CCSER1: variants seen among roughly 807,000 people sequenced by gnomAD.
The protein encoded by CCSER1 is serine-rich coiled-coil domain-containing protein 1.
A neutral mutation model predicts 82.0 loss-of-function variants in CCSER1; 41 were observed. The ratio of observed to expected loss-of-function variants is 0.50; its 90% CI spans 0.39 to 0.65. CCSER1 has a LOEUF of 0.65. CCSER1 is among the 30% of genes least tolerant of loss of function. The pLI, the probability that CCSER1 is intolerant of heterozygous loss-of-function variation, is 0.00. For synonymous variants in CCSER1, 414 were observed against 383.9 expected (o/e 1.08, Z -0.92); for missense variants, 1,119 against 1,064.2 (o/e 1.05, Z -0.72).
intron 10 of CCSER1, among the ~76,000 whole-genome samples, chr4:91,390,778 G>A (rs1751599028): frequency 6.6e-6 from 1 of 152,010 alleles, no homozygotes; most frequent in African/African-American, 2.4e-5. Flanking sequence ...GGCCTAGTCA[G>A]ATTGTTTATT....
At chr4:90,174,384 A>G (rs936229287) in intron 1 of CCSER1, among the ~76,000 whole-genome samples, 2 of 152,020 alleles carry the variant, frequency 1.3e-5, no homozygotes, top group Non-Finnish European at 2.9e-5. Context: ...CAAAATATAT[A>G]AAGCTCTAAT....
intron 6 of CCSER1, among the ~76,000 whole-genome samples, chr4:90,637,945 A>G (rs567511480): frequency 6.6e-6 from 1 of 152,284 alleles, no homozygotes; most frequent in South Asian, 2.1e-4. Flanking sequence ...TTCTGTGAAT[A>G]TAACTCTCTT....
intron 9 of CCSER1, among the ~76,000 whole-genome samples, chr4:90,982,348 A>C (rs115483193): frequency 7.9e-4 from 120 of 151,846 alleles, no homozygotes; most frequent in African/African-American, 2.7e-3. Context: ...ATTACTTCCC[A>C]AAGGCCCCAC....
At chr4:90,511,023 A>C (rs1000961534) in intron 5 of CCSER1, among the ~76,000 whole-genome samples, 2 of 152,244 alleles carry the variant, frequency 1.3e-5, no homozygotes, top group Non-Finnish European at 1.5e-5. Flanking sequence ...ACTGGAAGGG[A>C]GTTGCCAATG....
chr4:90,754,449 G>T (rs2149494212), intron 7 of CCSER1, among the ~76,000 whole-genome samples: 1 of 152,182 alleles, frequency 6.6e-6, no homozygotes, highest in Middle Eastern at 3.4e-3. Context: ...ATGATACTCA[G>T]TTATCTGGTC....
At chr4:90,867,254 G>A (rs940669734) in intron 8 of CCSER1, among the ~76,000 whole-genome samples, 13 of 151,896 alleles carry the variant, frequency 8.6e-5, no homozygotes, top group African/African-American at 3.1e-4. Context: ...CTCACTGTCA[G>A]GCACAGTACA....
At chr4:90,664,786 G>A (rs1021927889) in intron 6 of CCSER1, among the ~76,000 whole-genome samples, 2 of 152,124 alleles carry the variant, frequency 1.3e-5, no homozygotes, top group Admixed American at 6.5e-5. Flanking sequence ...TGTAATCCCA[G>A]TGACTCGGGA....
chr4:90,212,826 G>A (rs1005696564), intron 1 of CCSER1, among the ~76,000 whole-genome samples: 2 of 152,176 alleles, frequency 1.3e-5, no homozygotes, highest in Non-Finnish European at 2.9e-5. Flanking sequence ...AGATCTTTGG[G>A]TGGCTAATTT....
chr4:90,574,572 A>G (rs1175058496), intron 5 of CCSER1, among the ~76,000 whole-genome samples: 1 of 151,876 alleles, frequency 6.6e-6, no homozygotes, highest in Non-Finnish European at 1.5e-5. Context: ...CTGGCCCGAA[A>G]CACATTAATT....
At chr4:91,444,678 G>C (rs1275924069) in intron 10 of CCSER1, among the ~76,000 whole-genome samples, 1 of 152,246 alleles carries the variant, frequency 6.6e-6, no homozygotes, top group East Asian at 1.9e-4. Context: ...TCAAACTCCT[G>C]ACCTCAGGTG....
At position 91,004,110 on chromosome 4, in the gene CCSER1, C is replaced by T. The variant is rs150068047; in HGVS notation, c.2172+80663C>T. ...TCCTACAGGAGCAATCCACTTCCTT[C>T]GGAGAGTCTGTGGGTTATCTCGGCT... On this transcript the variant is annotated intron_variant, in intron 9 of 10. Coordinates refer to ENST00000509176, the MANE Select transcript of CCSER1 (RefSeq NM_001145065.2). Among the ~76,000 whole-genome samples the T allele has an allele frequency of 1.2e-3, 180 of 152,278 alleles. 1 individual carries two copies. The East Asian group carries it at 0.03, about 25-fold the overall frequency.
intron 10 of CCSER1, among the ~76,000 whole-genome samples, chr4:91,285,188 T>A (rs1743189541): frequency 6.6e-6 from 1 of 151,596 alleles, no homozygotes; most frequent in African/African-American, 2.4e-5. Flanking sequence ...TTCTTAAATA[T>A]AGGCATTACG....
At chr4:90,998,710 T>A (rs1270324948) in intron 9 of CCSER1, among the ~76,000 whole-genome samples, 1 of 135,064 alleles carries the variant, frequency 7.4e-6, no homozygotes, top group Non-Finnish European at 1.6e-5. Flanking sequence ...TAAATCTAAT[T>A]TAGCATTACA....
chr4:91,553,530 G>T (rs945966290), intron 10 of CCSER1, among the ~76,000 whole-genome samples: 5 of 150,610 alleles, frequency 3.3e-5, no homozygotes, highest in African/African-American at 1.2e-4. Context: ...GCTTCTCTTC[G>T]TCGGGAGATA....
intron 10 of CCSER1, among the ~76,000 whole-genome samples, chr4:91,396,163 C>T (rs1417184973): frequency 3.3e-5 from 5 of 152,052 alleles, no homozygotes; most frequent in African/African-American, 1.2e-4. Flanking sequence ...GAACTTTATG[C>T]AGTTATTATT....
intron 7 of CCSER1, among the ~76,000 whole-genome samples, chr4:90,800,742 A>G (rs1756695837): frequency 6.6e-6 from 1 of 152,146 alleles, no homozygotes; most frequent in Non-Finnish European, 1.5e-5. Flanking sequence ...GTTTTAGGAG[A>G]TCAGAAAACT....
chr4:90,838,704 T>C (rs1762131883), intron 8 of CCSER1, among the ~76,000 whole-genome samples: 2 of 152,182 alleles, frequency 1.3e-5, no homozygotes, highest in African/African-American at 4.8e-5. Flanking sequence ...GTTCTTTCCT[T>C]CCCTGCCAGC....
chr4:91,536,397 G>A (rs1465621668), intron 10 of CCSER1, among the ~76,000 whole-genome samples: 5 of 152,042 alleles, frequency 3.3e-5, no homozygotes, highest in Non-Finnish European at 4.4e-5. Context: ...GAGATAGGCA[G>A]ACAAATATAA....
chr4:90,844,429 C>A (rs1762952803), intron 8 of CCSER1, among the ~76,000 whole-genome samples: 1 of 151,972 alleles, frequency 6.6e-6, no homozygotes. Flanking sequence ...ACTACTTTCC[C>A]CTCCCTCATT....
Sources: gnomAD v4.1 joint callset for allele counts (sites outside exome capture counted in the v4.1 genomes callset) on GRCh38, gnomAD v4.1.1 for gene constraint, MANE v1.5 for transcripts, NCBI Gene and HGNC (gene_info 2026-07-23, HGNC 2026-07-21) for gene names.